TWF2: variants seen among roughly 807,000 people sequenced by gnomAD.
TWF2 encodes the protein twinfilin-2.
Under a neutral mutation model 45.1 loss-of-function variants are expected in TWF2, and 15 were observed. That is an observed-to-expected ratio of 0.33 (90% confidence interval 0.22 to 0.51). The LOEUF (loss-of-function observed/expected upper bound fraction) is 0.51. Ranked by LOEUF, TWF2 falls within the 20% of genes least tolerant of loss-of-function variation. TWF2 has a pLI of 0.97. For synonymous variants in TWF2, 177 were observed against 195.8 expected (o/e 0.90, Z 0.80); for missense variants, 423 against 469.1 (o/e 0.90, Z 0.91).
At chr3:52,238,938 G>GC (rs397741978) in intron 1 of TWF2, 54 bp downstream of exon 1, 2 of 1,566,922 alleles carry the variant, frequency 1.3e-6, no homozygotes, top group African/African-American at 2.7e-5. Context: ...CCGGGGGGGG[G>GC]CGCTTCCGAG....
At chr3:52,238,919 G>A in intron 1 of TWF2, 73 bp downstream of exon 1, 9 of 1,476,640 alleles carry the variant, frequency 6.1e-6, no homozygotes, top group Non-Finnish European at 8.0e-6. Context: ...TGGAGGGAGG[G>A]GCCGAGAGCC....
intron 1 of TWF2, among the ~76,000 whole-genome samples, chr3:52,237,691 G>C (rs1033111949): frequency 2.6e-5 from 4 of 152,222 alleles, no homozygotes; most frequent in Non-Finnish European, 5.9e-5. Flanking sequence ...CTGTGGGGCT[G>C]AGTCATGAAG....
At position 52,229,738 on chromosome 3, in the gene TWF2, G is replaced by A. The variant is rs761464663; in HGVS notation, c.805C>T (p.Arg269Ter). The A allele has an allele frequency of 6.2e-7, 1 of 1,613,132 alleles. No homozygotes were observed. The highest frequency in any genetic ancestry group is 8.5e-7 in the Non-Finnish European group (1 of 1,179,988). ...CTCTTGCAGCTGGAGTAGAGCATTCGCTCCTTGATGCTGCACTTGTACCCC... is the reference window on the plus strand; with the variant it reads ...CTCTTGCAGCTGGAGTAGAGCATTCACTCCTTGATGCTGCACTTGTACCCC... ...MPGYKCSIKE[R>*]MLYSSCKSRL... Residue 269 changes from arginine (R) to a stop codon, truncating the protein, a stop_gained, in exon 8 of 9, where the codon CGA becomes TGA. Coordinates refer to ENST00000305533, the MANE Select transcript of TWF2 (RefSeq NM_007284.4). LOFTEE classifies it high-confidence loss of function.
rs986294574 is a variant in TWF2 at position 52,239,102 on chromosome 3, G to A, written c.-86C>T. 3 of 1,497,994 alleles carry A rather than the reference G, an allele frequency of 2.0e-6. No homozygotes were observed. The highest frequency in any genetic ancestry group is 2.7e-6 in the Non-Finnish European group (3 of 1,121,636). The allele number at this position is 1,497,994 out of a possible 1,614,324, so 92.8% of individuals were successfully genotyped here. ...CGCTCGCTGGACCAAGAGAGGTGGA[G>A]GATGTGGCGGAGGCTGTCGACCCTC... On this transcript the variant is annotated 5_prime_UTR_variant, in exon 1 of 9. Transcript: ENST00000305533.
intron 1 of TWF2, among the ~76,000 whole-genome samples, chr3:52,237,196 GA>G (rs1168343252): frequency 1.3e-5 from 2 of 152,120 alleles, no homozygotes; most frequent in African/African-American, 4.8e-5. Flanking sequence ...CCCCCACAGG[GA>G]AAGGCACATC....
Position 52,229,743 on chromosome 3 carries a change from T to C in TWF2, c.800A>G (p.Lys267Arg). The part of the protein sequence containing the change: ...YSMPGYKCSI[K>R]ERMLYSSCKS... Reference sequence around the variant, plus strand: ...GCAGCTGGAGTAGAGCATTCGCTCCTTGATGCTGCACTTGTACCCCGGCAT... The same window carrying C: ...GCAGCTGGAGTAGAGCATTCGCTCCCTGATGCTGCACTTGTACCCCGGCAT... The change falls in exon 8 of 9, where the codon AAG becomes AGG. Residue 267 changes from lysine to arginine, a missense_variant. Coordinates refer to ENST00000305533, the MANE Select transcript of TWF2 (RefSeq NM_007284.4). 6.2e-7 allele frequency: 1 copy of C among 1,613,224 alleles called. No individual in the cohort carries two copies. The highest frequency in any genetic ancestry group is 8.5e-7 in the Non-Finnish European group (1 of 1,179,974).
intron 2 of TWF2, among the ~76,000 whole-genome samples, chr3:52,234,597 G>A (rs1287619644): frequency 6.6e-6 from 1 of 152,172 alleles, no homozygotes; most frequent in Non-Finnish European, 1.5e-5. Context: ...AAGGGTGCAG[G>A]ATCTCCTTAG....
Position 52,231,173 on chromosome 3 carries a change from G to T in TWF2, c.437C>A (p.Pro146Gln), listed in dbSNP as rs937079388. The T allele has an allele frequency of 6.2e-7, 1 of 1,613,954 alleles. No individual in the cohort carries two copies. Among genetic ancestry groups the T allele is most frequent in the African/African-American group, 1.3e-5 (1 of 74,894 alleles). Reference protein sequence around the residue: ...KHLSSCAAPAPLTSAERELQQ... With the variant: ...KHLSSCAAPAQLTSAERELQQ... The stretch of plus-strand genomic sequence containing the variant: ...GAGCTCTCTCTCAGCCGAGGTCAGC[G>T]GGGCAGGTGCCGCACAGGACGACAG... Residue 146 changes from proline (P) to glutamine (Q), a missense_variant, in exon 5 of 9, where the codon CCG becomes CAG. By Grantham distance (76) the Pro-to-Gln change is moderately conservative (BLOSUM62 -1). Transcript: ENST00000305533.
In TWF2 at chr3:52,239,130, G is replaced by T; in HGVS notation, c.-114C>A. Reference sequence around the variant, plus strand: ...TGTGGCGGAGGCTGTCGACCCTCGCGCAGCTTCCCGGGCGGTGCCGCAGGA... The same window carrying T: ...TGTGGCGGAGGCTGTCGACCCTCGCTCAGCTTCCCGGGCGGTGCCGCAGGA... On this transcript the variant is annotated 5_prime_UTR_variant, in exon 1 of 9. Transcript: ENST00000305533. The T allele has an allele frequency of 7.4e-7, 1 of 1,342,454 alleles. No individual in the cohort carries two copies. The highest frequency in any genetic ancestry group is 9.7e-7 in the Non-Finnish European group (1 of 1,032,346). The allele number at this position is 1,342,454 out of a possible 1,614,324, so 83.2% of individuals were successfully genotyped here.
At position 52,231,216 on chromosome 3, in the gene TWF2, C is replaced by A. The variant is rs1699674414; in HGVS notation, c.394G>T (p.Ala132Ser). Residue 132 changes from alanine (A) to serine (S), a missense_variant, in exon 5 of 9, where the codon GCT becomes TCT. Ala to Ser is a moderately conservative substitution (Grantham distance 99). Transcript: ENST00000305533. Reference protein sequence around the residue: ...FGTVKDDLSFAGYQKHLSSCA... With the variant: ...FGTVKDDLSFSGYQKHLSSCA... ...GACGACAGGTGTTTCTGGTACCCAGCAAAAGAGAGGTCATCCTGCAGGGGT... is the reference window on the plus strand; with the variant it reads ...GACGACAGGTGTTTCTGGTACCCAGAAAAAGAGAGGTCATCCTGCAGGGGT... The A allele has an allele frequency of 6.2e-7, 1 of 1,613,914 alleles. No individual in the cohort carries two copies. The highest frequency in any genetic ancestry group is 1.3e-5 in the African/African-American group (1 of 74,884).
chr3:52,230,414 G>A (rs1025684089), intron 6 of TWF2, among the ~76,000 whole-genome samples: 3 of 152,206 alleles, frequency 2.0e-5, no homozygotes, highest in Non-Finnish European at 2.9e-5. Flanking sequence ...GGCCTCTGGC[G>A]GAAGCATCTT....
In TWF2 at chr3:52,232,066, CAT is replaced by C; in HGVS notation, c.158_159del (p.Tyr53Ter). 1 of 1,613,622 alleles carries C rather than the reference CAT, an allele frequency of 6.2e-7. No homozygotes were observed. Among genetic ancestry groups the C allele is most frequent in the Non-Finnish European group, 8.5e-7 (1 of 1,179,762 alleles). On this transcript the variant is annotated frameshift_variant, in exon 3 of 9. Transcript: ENST00000305533. LOFTEE classifies it high-confidence loss of function. ...TCCAGCAGTGGCAGCACGGCCCTGT[CAT>C]AGTCCTGATCCCAGCGGCCTACTGG... ...QEPVGRWDQD[Y>X]DRAVLPLLDA...
chr3:52,230,583 G>T (rs1699668722), intron 6 of TWF2, among the ~76,000 whole-genome samples: 1 of 152,158 alleles, frequency 6.6e-6, no homozygotes, highest in South Asian at 2.1e-4. Flanking sequence ...GGGTATGGGT[G>T]GAGGGCGGAA....
At chr3:52,231,774 C>G (rs1164072950) in intron 3 of TWF2, among the ~76,000 whole-genome samples, 170 bp downstream of exon 3, 2 of 152,178 alleles carry the variant, frequency 1.3e-5, no homozygotes, top group African/African-American at 2.4e-5. Context: ...ACCCAGGCTG[C>G]GGGCACAGGG....
At chr3:52,230,731 G>T in intron 6 of TWF2, 139 bp downstream of exon 6, 1 of 1,336,492 alleles carries the variant, frequency 7.5e-7, no homozygotes, top group Non-Finnish European at 1.0e-6. Flanking sequence ...TGGACCATGT[G>T]TTCCCACAAG....
At chr3:52,231,643 C>T in intron 3 of TWF2, 104 bp from the exon 4 acceptor site, 1 of 1,326,338 alleles carries the variant, frequency 7.5e-7, no homozygotes, top group Non-Finnish European at 1.0e-6. Context: ...TGCGCTGGCA[C>T]ACCTGGCAGA....
intron 6 of TWF2, among the ~76,000 whole-genome samples, chr3:52,230,575 G>A (rs1699668679): frequency 6.6e-6 from 1 of 152,172 alleles, no homozygotes; most frequent in South Asian, 2.1e-4. Context: ...GACCCCAGGG[G>A]TATGGGTGGA....
Position 52,230,025 on chromosome 3 carries a change from G to A in TWF2, c.655C>T (p.Pro219Ser). 1.9e-6 allele frequency: 3 copies of A among 1,609,804 alleles called. No individual in the cohort carries two copies. The South Asian group carries it at 3.3e-5, about 18-fold the overall frequency. ...RETIELVHTEPTDVAQLPSRV... is the reference protein window; with the variant it reads ...RETIELVHTESTDVAQLPSRV... ...GAGGGCAGCTGGGCCACATCCGTGG[G>A]CTCTGTGTGCACCAGCTCAATGGTT... is the stretch of plus-strand genomic sequence containing the variant. Residue 219 changes from proline to serine, a missense_variant, in exon 7 of 9, where the codon CCC becomes TCC. Coordinates refer to ENST00000305533, the MANE Select transcript of TWF2 (RefSeq NM_007284.4).
chr3:52,235,235 C>G (rs1699714447), intron 1 of TWF2, 129 bp from the exon 2 acceptor site: 5 of 822,464 alleles, frequency 6.1e-6, no homozygotes, highest in African/African-American at 1.7e-5. Flanking sequence ...CCCCATGTGA[C>G]TGGGAACCTG....
Sources: allele counts gnomAD v4.1 joint callset (sites outside exome capture counted in the v4.1 genomes callset), GRCh38; gene constraint gnomAD v4.1.1; transcripts MANE v1.5; gene names NCBI Gene and HGNC (gene_info 2026-07-23, HGNC 2026-07-21).